The following SLC9D1 variants were observed in gnomAD, a reference collection of about 807,000 sequenced individuals.
SLC9D1 encodes the protein putative LAG1-interacting protein.
the SLC9D1 span, chr13:113,547,442 C>A: frequency 1.5e-6 from 2 of 1,362,116 alleles, no homozygotes; most frequent in Non-Finnish European, 1.0e-6. Flanking sequence ...CTCCCTGTGG[C>A]CCTGGTTTCC....
At chr13:113,494,398 A>T in the SLC9D1 span, among the ~76,000 whole-genome samples, 35 of 152,076 alleles carry the variant, frequency 2.3e-4, no homozygotes, top group Middle Eastern at 3.4e-3. Flanking sequence ...CCGCTGTCTC[A>T]TCCTGCTTTC....
At chr13:113,509,259 A>AC in the SLC9D1 span, among the ~76,000 whole-genome samples, 85 of 87,476 alleles carry the variant, frequency 9.7e-4, no homozygotes, top group African/African-American at 1.9e-3. Context: ...CTGCCTGTCT[A>AC]TGTTGGGACT....
At chr13:113,516,309 A>C in the SLC9D1 span, among the ~76,000 whole-genome samples, 1 of 151,436 alleles carries the variant, frequency 6.6e-6, no homozygotes, top group Non-Finnish European at 1.5e-5. Flanking sequence ...TCATGCCTGT[A>C]ATCCCAGCAC....
the SLC9D1 span, among the ~76,000 whole-genome samples, chr13:113,495,263 A>G: frequency 4.6e-5 from 7 of 152,218 alleles, no homozygotes; most frequent in East Asian, 1.2e-3. Context: ...AATCCTTTCT[A>G]TAAAGATGTA....
the SLC9D1 span, among the ~76,000 whole-genome samples, chr13:113,514,983 G>T: frequency 2.6e-5 from 4 of 152,208 alleles, no homozygotes; most frequent in Non-Finnish European, 5.9e-5. Flanking sequence ...CTCCCAAAGC[G>T]TTGGGATTGC....
the SLC9D1 span, among the ~76,000 whole-genome samples, chr13:113,541,694 G>C: frequency 1.4e-5 from 1 of 72,110 alleles, no homozygotes; most frequent in Non-Finnish European, 2.7e-5. Flanking sequence ...CACGATCGCT[G>C]ATCACTGCCA....
the SLC9D1 span, chr13:113,547,222 A>C: frequency 2.8e-6 from 3 of 1,061,854 alleles, no homozygotes; most frequent in East Asian, 2.4e-5. Flanking sequence ...AGCAAGTGAC[A>C]CACTGAAGTT....
chr13:113,505,260 A>G, the SLC9D1 span: 1 of 151,812 alleles, frequency 6.6e-6, no homozygotes, highest in African/African-American at 2.4e-5. Context: ...GGATTTGTAC[A>G]CTCTTTTTGG....
At chr13:113,548,300 C>T in the SLC9D1 span, 15 of 1,613,844 alleles carry the variant, frequency 9.3e-6, no homozygotes, top group African/African-American at 1.5e-4. Context: ...ACCGCTCTTG[C>T]AGTTTCTCCT....
At chr13:113,508,265 G>A in the SLC9D1 span, among the ~76,000 whole-genome samples, 5 of 152,346 alleles carry the variant, frequency 3.3e-5, no homozygotes, top group South Asian at 8.3e-4. Flanking sequence ...CACCCAGGGC[G>A]CACAGCGAGT....
At chr13:113,528,518 C>G in the SLC9D1 span, 1 of 152,332 alleles carries the variant, frequency 6.6e-6, no homozygotes, top group Non-Finnish European at 1.5e-5. Flanking sequence ...TCAGCCCAGG[C>G]TAGAGCCCCA....
chr13:113,497,987 C>T, the SLC9D1 span, among the ~76,000 whole-genome samples: 1 of 152,200 alleles, frequency 6.6e-6, no homozygotes, highest in Admixed American at 6.5e-5. Context: ...ACATTCAGGT[C>T]TCACATCTGG....
chr13:113,518,067 A>C, the SLC9D1 span, among the ~76,000 whole-genome samples: 1 of 152,394 alleles, frequency 6.6e-6, no homozygotes, highest in South Asian at 2.1e-4. Flanking sequence ...AATGGAAAAC[A>C]GGAAGAAATC....
chr13:113,501,922 AT>A, the SLC9D1 span: 1 of 1,493,964 alleles, frequency 6.7e-7, no homozygotes, highest in East Asian at 2.3e-5. Flanking sequence ...GTTTAACAGA[AT>A]ATAAAAAGAG....
chr13:113,525,710 A>G, the SLC9D1 span, among the ~76,000 whole-genome samples: 158 of 144,552 alleles, frequency 1.1e-3, no homozygotes, highest in South Asian at 5.6e-3. Context: ...AGCCATCGTC[A>G]TCGTAGGAGA....
the SLC9D1 span, chr13:113,533,927 G>A: frequency 1.2e-5 from 9 of 761,588 alleles, no homozygotes; most frequent in Non-Finnish European, 2.0e-5. Flanking sequence ...ATAAAGATGT[G>A]TATGATTCAG....
At chr13:113,521,470 C>T in the SLC9D1 span, among the ~76,000 whole-genome samples, 1 of 150,546 alleles carries the variant, frequency 6.6e-6, no homozygotes, top group Non-Finnish European at 1.5e-5. Flanking sequence ...GGGGTATCCA[C>T]GTGTGCATAT....
At chr13:113,499,390 T>G in the SLC9D1 span, among the ~76,000 whole-genome samples, 1 of 152,190 alleles carries the variant, frequency 6.6e-6, no homozygotes, top group African/African-American at 2.4e-5. Context: ...TGCAGCCCAG[T>G]AGGTTTCATC....
At chr13:113,525,276 T>G in the SLC9D1 span, among the ~76,000 whole-genome samples, 1 of 152,204 alleles carries the variant, frequency 6.6e-6, no homozygotes, top group Non-Finnish European at 1.5e-5. Context: ...CTAGTGAGGT[T>G]GCAGCCCTTG....
Sources: gnomAD v4.1 joint callset for allele counts (sites outside exome capture counted in the v4.1 genomes callset) on GRCh38, gnomAD v4.1.1 for gene constraint, MANE v1.5 for transcripts, NCBI Gene and HGNC (gene_info 2026-07-23, HGNC 2026-07-21) for gene names.